Variants in KIAA1210 observed in about 807,000 individuals in gnomAD.
KIAA1210 encodes KIAA1210, also known as acrosomal protein KIAA1210.
In KIAA1210, 48 loss-of-function variants were observed where a neutral mutation model predicts 78.9. That is an observed-to-expected ratio of 0.61 (90% CI 0.48 to 0.77). The LOEUF (loss-of-function observed/expected upper bound fraction) is 0.77. Ranked by LOEUF, KIAA1210 falls within the 30% of genes least tolerant of loss-of-function variation. KIAA1210 has a pLI of 0.00. For missense variants in KIAA1210, 1,108 were observed against 1,100.0 expected, an observed-to-expected ratio of 1.01 and a Z score of -0.10; for synonymous variants, 406 against 404.5, an observed-to-expected ratio of 1.00 and a Z score of -0.04.
upstream of KIAA1210, among the ~76,000 whole-genome samples, chrX:119,131,737 C>T (rs995467523): frequency 1.4e-4 from 16 of 111,925 alleles, no homozygotes; most frequent in Non-Finnish European, 2.6e-4. Flanking sequence ...TGACATGTGG[C>T]CTCTAGTAGC....
chrX:119,129,106 G>A (rs1380095030), upstream of KIAA1210, among the ~76,000 whole-genome samples: 1 of 111,888 alleles, frequency 8.9e-6, no homozygotes, highest in Non-Finnish European at 1.9e-5. Context: ...TGTCTATTTT[G>A]ATCATCATTG....
chrX:119,087,140 G>A lies in KIAA1210; in HGVS notation c.3562C>T (p.His1188Tyr). The change falls in exon 9 of 12, where the codon CAC becomes TAC. Residue 1188 changes from histidine to tyrosine, a missense_variant. Physicochemically the swap from His to Tyr is moderately conservative, Grantham distance 83. Transcript: ENST00000691062. Reference sequence around the variant, plus strand: ...TGGAAAGGACTACTTGAAGGCAGGTGCTTCTCACCGCTGCTCTGCTTTACA... The same window carrying A: ...TGGAAAGGACTACTTGAAGGCAGGTACTTCTCACCGCTGCTCTGCTTTACA... Reference protein sequence around the residue: ...VPVKQSSGEKHLPSSSPFQQQ... With the variant: ...VPVKQSSGEKYLPSSSPFQQQ... 4 of 1,211,310 alleles carry A rather than the reference G, an allele frequency of 3.3e-6. No individual in the cohort carries two copies. The highest frequency in any genetic ancestry group is 1.8e-5 in the South Asian group (1 of 56,956).
chrX:119,081,382 G>A lies in KIAA1210; in HGVS notation c.4549C>T (p.Leu1517=), dbSNP rs373808231. Residue 1517 remains leucine (L), a synonymous_variant, in exon 12 of 12, where the codon CTG becomes TTG. Coordinates refer to ENST00000691062, the MANE Select transcript of KIAA1210 (RefSeq NM_001394962.1). ...VEPIEPVWFS[L]ARKKAKAWSH... ...CATGCTTTGGCTTTCTTCCTGGCCA[G>A]TGAGAACCAGACAGGCTCAATTGGC... 1.7e-5 allele frequency: 20 copies of A among 1,207,102 alleles called. No individual in the cohort carries two copies. In the African/African-American group the frequency reaches 3.2e-4, roughly 19 times the overall value.
At chrX:119,149,415 G>C (rs1421686891) in intron 1 of KIAA1210, among the ~76,000 whole-genome samples, 1 of 111,040 alleles carries the variant, frequency 9.0e-6, no homozygotes, top group Non-Finnish European at 1.9e-5. Flanking sequence ...CTCCCAGAGG[G>C]AGAAACTAGC....
At chrX:119,150,213 G>T in intron 1 of KIAA1210, 1 of 1,007,006 alleles carries the variant, frequency 9.9e-7, no homozygotes, top group Non-Finnish European at 1.4e-6. Flanking sequence ...TCACCCTTGT[G>T]CAGCTCTCCC....
intron 2 of KIAA1210, among the ~76,000 whole-genome samples, chrX:119,117,859 C>T (rs1164294022): frequency 2.7e-5 from 3 of 111,150 alleles, no homozygotes; most frequent in African/African-American, 6.5e-5. Context: ...GTGATCCACC[C>T]GCCTTGGCCT....
Position 119,085,867 on chromosome X carries a change from A to G in KIAA1210, c.4157-321T>C, listed in dbSNP as rs72607643. Among the ~76,000 whole-genome samples the G allele has an allele frequency of 1.5e-3, 167 of 113,065 alleles. 2 individuals are homozygous for G. In the East Asian group the frequency reaches 0.028, roughly 19 times the overall value. ...CCCAAGGATGCCAGAGGCTCAGGCCATTGATGCCATTCCTCTAACTCCTAG... is the reference window on the plus strand; with the variant it reads ...CCCAAGGATGCCAGAGGCTCAGGCCGTTGATGCCATTCCTCTAACTCCTAG... On this transcript the variant is annotated intron_variant, in intron 9 of 11. Transcript: ENST00000691062.
chrX:119,081,769 C>T (rs12393459), intron 11 of KIAA1210, among the ~76,000 whole-genome samples: 25,626 of 111,444 alleles, frequency 0.23, 4,151 homozygotes, highest in African/African-American at 0.56. Context: ...GAGGTAATAC[C>T]TATGGCTGTA....
At position 119,086,543 on chromosome X, in the gene KIAA1210, T is replaced by C. The variant is rs1927138941; in HGVS notation, c.4156+3A>G. On this transcript the variant is annotated splice_donor_region_variant and intron_variant, in intron 9 of 11. Coordinates refer to ENST00000691062, the MANE Select transcript of KIAA1210 (RefSeq NM_001394962.1). ...TTGCCATCTGGAGAGATAAAAGCCTTACCTGGGGTCTTGCAAGCAGGTTGC... is the reference window on the plus strand; with the variant it reads ...TTGCCATCTGGAGAGATAAAAGCCTCACCTGGGGTCTTGCAAGCAGGTTGC... 8.4e-7 allele frequency: 1 copy of C among 1,194,922 alleles called. No individual in the cohort carries two copies.
chrX:119,131,304 G>A (rs944626730), upstream of KIAA1210, among the ~76,000 whole-genome samples: 2 of 111,647 alleles, frequency 1.8e-5, no homozygotes, highest in African/African-American at 6.5e-5. Flanking sequence ...CTGAAAAGGA[G>A]GGTTTACATG....
At chrX:119,117,877 T>C (rs972659941) in intron 2 of KIAA1210, among the ~76,000 whole-genome samples, 3 of 111,351 alleles carry the variant, frequency 2.7e-5, no homozygotes, top group Non-Finnish European at 5.7e-5. Context: ...CCTCCCAAAG[T>C]GCTACAATTA....
intron 1 of KIAA1210, among the ~76,000 whole-genome samples, chrX:119,125,256 A>G (rs988239328): frequency 2.7e-5 from 3 of 111,470 alleles, no homozygotes; most frequent in African/African-American, 9.8e-5. Flanking sequence ...TGCACTCTGG[A>G]GTGAGTAGTT....
chrX:119,108,217 A>C (rs1426141302), intron 5 of KIAA1210, 120 bp downstream of exon 5: 1 of 631,585 alleles, frequency 1.6e-6, no homozygotes, highest in East Asian at 3.4e-5. Context: ...AAGAAGGCCC[A>C]GAGAAGTTAA....
At chrX:119,115,720 A>T (rs1292967939) in intron 3 of KIAA1210, among the ~76,000 whole-genome samples, 1 of 112,053 alleles carries the variant, frequency 8.9e-6, no homozygotes, top group Non-Finnish European at 1.9e-5. Context: ...CCAGAAGAAC[A>T]GGCCTAAGCA....
At position 119,123,563 on chromosome X, in the gene KIAA1210, G is replaced by A; in HGVS notation, c.61+19C>T. On this transcript the variant is annotated intron_variant, in intron 2 of 11. Transcript: ENST00000691062. ...AACAAATCTAATTCTGGTTATCAAA[G>A]TTTTATTGGGTTACTTACCCTCATC... is the stretch of plus-strand genomic sequence containing the variant. 2 of 1,148,438 alleles carry A rather than the reference G, an allele frequency of 1.7e-6. No individual in the cohort carries two copies. 94.6% of individuals were successfully genotyped at this position (1,148,438 alleles called of 1,213,427 possible).
At chrX:119,092,709 C>T (rs1450425929) in intron 8 of KIAA1210, among the ~76,000 whole-genome samples, 2 of 107,998 alleles carry the variant, frequency 1.9e-5, no homozygotes, top group Non-Finnish European at 3.8e-5. Flanking sequence ...TGCAGTGAGC[C>T]GAGATCATGC....
At chrX:119,117,041 C>T (rs887792588) in intron 2 of KIAA1210, among the ~76,000 whole-genome samples, 3 of 112,313 alleles carry the variant, frequency 2.7e-5, no homozygotes, top group African/African-American at 9.7e-5. Context: ...GCAATGAAAG[C>T]ACTTAGTACT....
At chrX:119,108,755 G>A (rs944002738) in intron 4 of KIAA1210, among the ~76,000 whole-genome samples, 3 of 108,116 alleles carry the variant, frequency 2.8e-5, no homozygotes, top group African/African-American at 1.0e-4. Flanking sequence ...CCAGCTACTC[G>A]GGAAGCTGAG....
chrX:119,121,417 G>A (rs1230552444), intron 2 of KIAA1210, among the ~76,000 whole-genome samples: 2 of 111,683 alleles, frequency 1.8e-5, no homozygotes, highest in African/African-American at 3.3e-5. Context: ...TGACAGCTGA[G>A]AGCTGACAGC....
Sources: gnomAD v4.1 joint callset for allele counts (sites outside exome capture counted in the v4.1 genomes callset) on GRCh38, gnomAD v4.1.1 for gene constraint, MANE v1.5 for transcripts, NCBI Gene and HGNC (gene_info 2026-07-23, HGNC 2026-07-21) for gene names.